Variants in TENM2 observed in about 807,000 individuals in gnomAD.
TENM2 encodes teneurin-2.
Under a neutral mutation model 245.2 loss-of-function variants are expected in TENM2, and 52 were observed. That is an observed-to-expected ratio of 0.21 (90% confidence interval 0.17 to 0.27). The LOEUF is 0.27. Ranked by LOEUF, TENM2 falls within the 10% of genes least tolerant of loss-of-function variation. The pLI is 1.00. For synonymous variants in TENM2, 1,363 were observed against 1,438.9 expected, an observed-to-expected ratio of 0.95 and a Z score of 1.19; for missense variants, 3,046 against 3,666.8, an observed-to-expected ratio of 0.83 and a Z score of 4.37.
chr5:167,469,098 T>A (rs1001250595), intron 2 of TENM2, among the ~76,000 whole-genome samples: 1 of 152,178 alleles, frequency 6.6e-6, no homozygotes, highest in Admixed American at 6.5e-5. Context: ...TTCTGTGGGA[T>A]ACGCTACATG....
At chr5:167,368,083 C>T (rs545394901) in intron 1 of TENM2, among the ~76,000 whole-genome samples, 127 of 151,414 alleles carry the variant, frequency 8.4e-4, no homozygotes, top group Non-Finnish European at 1.7e-3. Flanking sequence ...AGAAAAAGGC[C>T]GCTTAAAAAA....
chr5:167,597,260 T>C (rs986740356), intron 2 of TENM2, among the ~76,000 whole-genome samples: 1 of 151,200 alleles, frequency 6.6e-6, no homozygotes, highest in Non-Finnish European at 1.5e-5. Flanking sequence ...CACCTCCTAG[T>C]TTCAAGTGAT....
At chr5:167,849,108 G>A (rs1770325016) in intron 2 of TENM2, among the ~76,000 whole-genome samples, 1 of 152,118 alleles carries the variant, frequency 6.6e-6, no homozygotes, top group Non-Finnish European at 1.5e-5. Context: ...TTCTTCTGGG[G>A]ACACCATGGG....
chr5:167,344,115 T>C (rs2127821916), intron 1 of TENM2, among the ~76,000 whole-genome samples: 1 of 149,544 alleles, frequency 6.7e-6, no homozygotes. Flanking sequence ...CAAGAACTTA[T>C]ATATCAGTTA....
rs552871596 is a variant in TENM2 at position 167,455,277 on chromosome 5, G to A, written c.502+79804G>A. On this transcript the variant is annotated intron_variant, in intron 2 of 28. Transcript: ENST00000518659. ...TAAATAGTCAAACAACAAATATACA[G>A]TTCATCATTTGGATTTTGTTCTGAG... Among the ~76,000 whole-genome samples, 15 of 152,246 alleles carry A rather than the reference G, an allele frequency of 9.9e-5. No homozygotes were observed. In the South Asian group the frequency reaches 1.9e-3, roughly 19 times the overall value.
At chr5:167,254,006 C>T in the TENM2 span, among the ~76,000 whole-genome samples, 3 of 152,034 alleles carry the variant, frequency 2.0e-5, no homozygotes, top group Non-Finnish European at 2.9e-5. Flanking sequence ...AAAATAAAAT[C>T]GGTAAATTCA....
At chr5:168,045,036 A>C (rs1788497101) in intron 5 of TENM2, among the ~76,000 whole-genome samples, 1 of 152,040 alleles carries the variant, frequency 6.6e-6, no homozygotes, top group Non-Finnish European at 1.5e-5. Flanking sequence ...CTTAATGTTC[A>C]GTTCAACAAC....
At chr5:167,807,618 T>C (rs1766309537) in intron 2 of TENM2, among the ~76,000 whole-genome samples, 1 of 30,534 alleles carries the variant, frequency 3.3e-5, no homozygotes, top group African/African-American at 1.1e-4. Flanking sequence ...ATAAATGCAT[T>C]TTTTTTAAAA....
chr5:167,762,813 T>C (rs1375813382), intron 2 of TENM2, among the ~76,000 whole-genome samples: 1 of 152,192 alleles, frequency 6.6e-6, no homozygotes, highest in Non-Finnish European at 1.5e-5. Context: ...CAATCAGGAT[T>C]CCTCCTGCAG....
chr5:167,050,171 C>G, the TENM2 span, among the ~76,000 whole-genome samples: 1 of 152,224 alleles, frequency 6.6e-6, no homozygotes, highest in Non-Finnish European at 1.5e-5. Context: ...TGGTGTTGGT[C>G]CATGGCCTCT....
intron 2 of TENM2, among the ~76,000 whole-genome samples, chr5:167,822,762 C>T (rs1330428606): frequency 6.6e-6 from 1 of 152,118 alleles, no homozygotes; most frequent in African/African-American, 2.4e-5. Flanking sequence ...ATTAGGCATG[C>T]ACTACTAGTC....
At chr5:167,596,761 A>G (rs954787409) in intron 2 of TENM2, among the ~76,000 whole-genome samples, 4 of 149,948 alleles carry the variant, frequency 2.7e-5, no homozygotes, top group Non-Finnish European at 5.9e-5. Context: ...TTGCCACTGC[A>G]CTCCAACCTG....
At chr5:168,166,553 A>T (rs185150495) in intron 13 of TENM2, among the ~76,000 whole-genome samples, 5 of 152,252 alleles carry the variant, frequency 3.3e-5, no homozygotes, top group Admixed American at 3.3e-4. Context: ...CCTTGATTCA[A>T]CACAGAGTGC....
chr5:167,731,393 A>G (rs1760426765), intron 2 of TENM2, among the ~76,000 whole-genome samples: 1 of 151,984 alleles, frequency 6.6e-6, no homozygotes, highest in African/African-American at 2.4e-5. Flanking sequence ...TATCAAGTGC[A>G]TGATCATTTA....
intron 2 of TENM2, among the ~76,000 whole-genome samples, chr5:167,734,535 C>T (rs1760668120): frequency 6.7e-6 from 1 of 149,862 alleles, no homozygotes; most frequent in African/African-American, 2.4e-5. Flanking sequence ...TAGTTAATGA[C>T]AACAAGGCTG....
chr5:168,099,943 T>C (rs1216991094), intron 9 of TENM2, among the ~76,000 whole-genome samples: 1 of 152,234 alleles, frequency 6.6e-6, no homozygotes, highest in Non-Finnish European at 1.5e-5. Context: ...GTCCTTCACA[T>C]CCCTTGTAAG....
chr5:167,215,780 C>A, the TENM2 span, among the ~76,000 whole-genome samples: 1 of 152,154 alleles, frequency 6.6e-6, no homozygotes, highest in Non-Finnish European at 1.5e-5. Flanking sequence ...ATACACTGGG[C>A]CAAGCCATTT....
chr5:167,545,277 A>G (rs959475648), intron 2 of TENM2, among the ~76,000 whole-genome samples: 4 of 152,218 alleles, frequency 2.6e-5, no homozygotes, highest in Non-Finnish European at 2.9e-5. Context: ...CACAACCTCC[A>G]TAGATAACTG....
At chr5:167,053,462 A>G in the TENM2 span, among the ~76,000 whole-genome samples, 3 of 152,180 alleles carry the variant, frequency 2.0e-5, no homozygotes, top group African/African-American at 4.8e-5. Context: ...GTGGTCACAT[A>G]TCCTTGCCTC....
Sources: gnomAD v4.1 joint callset for allele counts (sites outside exome capture counted in the v4.1 genomes callset) on GRCh38, gnomAD v4.1.1 for gene constraint, MANE v1.5 for transcripts, NCBI Gene and HGNC (gene_info 2026-07-23, HGNC 2026-07-21) for gene names.